HIC1: variants seen among roughly 807,000 people sequenced by gnomAD.
HIC1 encodes hypermethylated in cancer 1 protein.
Under a neutral mutation model 26.4 loss-of-function variants are expected in HIC1, and 9 were observed. That is an observed-to-expected ratio of 0.34 (90% CI 0.21 to 0.59). The LOEUF is 0.59. HIC1 is among the 20% of genes least tolerant of loss of function. HIC1 has a pLI of 0.82. For synonymous variants in HIC1, 631 were observed against 523.1 expected (o/e 1.21, Z -2.81); for missense variants, 965 against 1,075.7 (o/e 0.90, Z 1.44).
Position 2,057,084 on chromosome 17 carries a change from C to A in HIC1, c.394C>A (p.Arg132Ser). The A allele has an allele frequency of 7.1e-7, 1 of 1,402,228 alleles. No homozygotes were observed. Among genetic ancestry groups the A allele is most frequent in the Non-Finnish European group, 9.2e-7 (1 of 1,085,672 alleles). The allele number at this position is 1,402,228 out of a possible 1,614,324, so 86.9% of individuals were successfully genotyped here. ...LVALCKKRLK[R>S]HGKYCHLRGG... is the part of the protein sequence containing the mutation. ...GGCGCTGTGCAAGAAACGCCTCAAG[C>A]GCCACGGCAAGTACTGCCACCTGCG... Residue 132 changes from arginine (R) to serine (S), a missense_variant, in exon 2 of 2, where the codon CGC (arginine) becomes AGC (serine). By Grantham distance (110) the Arg-to-Ser change is moderately radical. Coordinates refer to ENST00000619757, the MANE Select transcript of HIC1 (RefSeq NM_006497.4).
In HIC1 at chr17:2,055,923, G is replaced by C. The variant is rs949237202; in HGVS notation, c.-21+685G>C. Among the ~76,000 whole-genome samples, 1 of 150,644 alleles carries C rather than the reference G, an allele frequency of 6.6e-6. No individual in the cohort carries two copies. Among genetic ancestry groups the C allele is most frequent in the African/African-American group, 2.4e-5 (1 of 41,228 alleles). ...CAGGCCGAGGCCGGGACGCGGGTGG[G>C]GCGCAGGCCCGGGTCAGGGCCGCAG... On this transcript the variant is annotated intron_variant, in intron 1 of 1. Coordinates refer to ENST00000619757, the MANE Select transcript of HIC1 (RefSeq NM_006497.4). The surrounding 1 kb of genome is among the most constrained non-coding windows in gnomAD (Gnocchi z 6.4).
Position 2,055,607 on chromosome 17 carries a change from C to G in HIC1, c.-21+369C>G, listed in dbSNP as rs930157181. On this transcript the variant is annotated intron_variant, in intron 1 of 1. Transcript: ENST00000619757. This position sits in a 1 kb window ranked among gnomAD's most constrained non-coding sequence, Gnocchi z 6.4. ...CTGCCACCGCCGCGGGGAGGGGAGC[C>G]CGGCCCGCCGGGACCGCAGGTAACG... Among the ~76,000 whole-genome samples the G allele has an allele frequency of 2.7e-4, 40 of 150,246 alleles. No individual in the cohort carries two copies. The highest frequency in any genetic ancestry group is 8.8e-4 in the African/African-American group (36 of 41,046).
Position 2,057,887 on chromosome 17 carries a change from C to A in HIC1, c.1197C>A (p.Gly399=). 1 of 1,601,868 alleles carries A rather than the reference C, an allele frequency of 6.2e-7. No individual in the cohort carries two copies. The highest frequency in any genetic ancestry group is 8.5e-7 in the Non-Finnish European group (1 of 1,174,952). Residue 399 remains glycine, a synonymous_variant, in exon 2 of 2, where the codon GGC becomes GGA. Coordinates refer to ENST00000619757, the MANE Select transcript of HIC1 (RefSeq NM_006497.4). ...GCCCGCCTGGCGGCCACCTCGAGGGCTACCCATGCCCGCACCTGGCCTATG... is the reference window on the plus strand; with the variant it reads ...GCCCGCCTGGCGGCCACCTCGAGGGATACCCATGCCCGCACCTGGCCTATG... ...DPSPPGGHLE[G]YPCPHLAYGE...
In HIC1 at chr17:2,061,479, C is replaced by A; in HGVS notation, c.*2644C>A. The A allele has an allele frequency of 6.4e-7, 1 of 1,567,800 alleles. No homozygotes were observed. Among genetic ancestry groups the A allele is most frequent in the Non-Finnish European group, 8.6e-7 (1 of 1,158,102 alleles). On this transcript the variant is annotated 3_prime_UTR_variant, in exon 2 of 2. Coordinates refer to ENST00000619757, the MANE Select transcript of HIC1 (RefSeq NM_006497.4). The stretch of plus-strand genomic sequence containing the variant: ...GAACGGTTCCACGGGGGGGGGGCCC[C>A]AGTGTGGCTCCCTCAGCCCACCTGG...
rs375775546 is a variant in HIC1 at position 2,058,115 on chromosome 17, C to T, written c.1425C>T (p.Ala475=). The T allele has an allele frequency of 2.1e-5, 34 of 1,598,706 alleles. 1 individual carries two copies. Among genetic ancestry groups the T allele is most frequent in the Middle Eastern group, 3.4e-4 (2 of 5,936 alleles). ...TTGGAGGCGGCGGGGACAAGGTCGC[C>T]GGGGCTCCGGGTGGCCTGGGAGAGC... ...PPFGGGGDKV[A]GAPGGLGELL... The change falls in exon 2 of 2, where the codon GCC becomes GCT. Residue 475 remains alanine (A), a synonymous_variant. Coordinates refer to ENST00000619757, the MANE Select transcript of HIC1 (RefSeq NM_006497.4).
chr17:2,061,184 G>GTCC lies in HIC1; in HGVS notation c.*2349_*2350insTCC. 3.3e-6 allele frequency: 1 copy of GTCC among 302,232 alleles called. No homozygotes were observed. The highest frequency in any genetic ancestry group is 3.9e-5 in the South Asian group (1 of 25,516). 18.7% of individuals were successfully genotyped at this position (302,232 alleles called of 1,614,324 possible). ...CCTCCCTCAGCCTTGGAATGAGACG[G>GTCC]GGGAGGGAGAAAGGCTGAGAGCATG... On this transcript the variant is annotated 3_prime_UTR_variant, in exon 2 of 2. Transcript: ENST00000619757.
Position 2,061,690 on chromosome 17 carries a change from CCCTGGAGAATGTGGT to C in HIC1, c.*2861_*2875del. 6.6e-7 allele frequency: 1 copy of C among 1,514,604 alleles called. No homozygotes were observed. Among genetic ancestry groups the C allele is most frequent in the Non-Finnish European group, 8.9e-7 (1 of 1,121,678 alleles). The allele number at this position is 1,514,604 out of a possible 1,614,324, so 93.8% of individuals were successfully genotyped here. Reference sequence around the variant, plus strand: ...GGCAGAGGGCTGGCTGCTCTTCTCACCCTGGAGAATGTGGTCCTGGGGAGGGGGTGCCACGCTAGC... The same window carrying C: ...GGCAGAGGGCTGGCTGCTCTTCTCACCCTGGGGAGGGGGTGCCACGCTAGC... On this transcript the variant is annotated 3_prime_UTR_variant, in exon 2 of 2. Transcript: ENST00000619757.
At position 2,061,465 on chromosome 17, in the gene HIC1, CGG is replaced by C; in HGVS notation, c.*2639_*2640del. The C allele has an allele frequency of 2.2e-6, 3 of 1,358,758 alleles. No homozygotes were observed. The highest frequency in any genetic ancestry group is 3.0e-5 in the East Asian group (1 of 33,892). 84.2% of individuals were successfully genotyped at this position (1,358,758 alleles called of 1,614,324 possible). A position where few individuals can be genotyped will look rare whatever the true frequency, so the allele number is the denominator to read the frequency against. On this transcript the variant is annotated 3_prime_UTR_variant, in exon 2 of 2. Transcript: ENST00000619757. ...TGGTGGCCTTTCAGGAACGGTTCCA[CGG>C]GGGGGGGGCCCCAGTGTGGCTCCCT...
rs763451360 is a variant in HIC1 at position 2,057,512 on chromosome 17, C to T, written c.822C>T (p.Pro274=). 1 of 1,491,122 alleles carries T rather than the reference C, an allele frequency of 6.7e-7. No homozygotes were observed. The highest frequency in any genetic ancestry group is 1.2e-5 in the South Asian group (1 of 80,172). The allele number at this position is 1,491,122 out of a possible 1,614,324, so 92.4% of individuals were successfully genotyped here. Residue 274 remains proline (P), a synonymous_variant, in exon 2 of 2, where the codon CCC becomes CCT. Transcript: ENST00000619757. The stretch of plus-strand genomic sequence containing the variant: ...CCCTGCCGTCGCTGCCGCCGCTGCC[C>T]TTCCAGAAGCTGGAGGAGGCCGCAC... ...PLALPSLPPL[P]FQKLEEAAPP...
At position 2,058,629 on chromosome 17, in the gene HIC1, G is replaced by C; in HGVS notation, c.1939G>C (p.Asp647His). Residue 647 changes from aspartate (D) to histidine (H), a missense_variant, in exon 2 of 2, where the codon GAC (aspartate) becomes CAC (histidine). Transcript: ENST00000619757. ...CGAGCAGCTGAGCCTGAAGCAGCAG[G>C]ACAAGGCGGCCGCGGCCGAGCTGCT... ...TAEQLSLKQQ[D>H]KAAAAELLAQ... is the part of the protein sequence containing the mutation. The C allele has an allele frequency of 6.4e-7, 1 of 1,565,282 alleles. No individual in the cohort carries two copies. Among genetic ancestry groups the C allele is most frequent in the Non-Finnish European group, 8.6e-7 (1 of 1,162,602 alleles).
chr17:2,056,676 T>A lies in HIC1; in HGVS notation c.-15T>A. On this transcript the variant is annotated 5_prime_UTR_variant, in exon 2 of 2. Coordinates refer to ENST00000619757, the MANE Select transcript of HIC1 (RefSeq NM_006497.4). ...GCCGGTGTGTGTCCCCGCAGGAGAG[T>A]GTGCTGGGCAGACGATGCTGGACAC... 1.3e-6 allele frequency: 2 copies of A among 1,564,892 alleles called. No homozygotes were observed. Among genetic ancestry groups the A allele is most frequent in the Non-Finnish European group, 1.7e-6 (2 of 1,151,970 alleles).
rs1597302504 is a variant in HIC1 at position 2,057,584 on chromosome 17, GC to G, written c.900del (p.Gly301AlafsTer13). 2.0e-5 allele frequency: 30 copies of G among 1,504,414 alleles called. No individual in the cohort carries two copies. The highest frequency in any genetic ancestry group is 1.2e-4 in the Admixed American group (6 of 48,698). The allele number at this position is 1,504,414 out of a possible 1,614,324, so 93.2% of individuals were successfully genotyped here. ...RGGSGSPGPE[P>X]PGRPDGPSLL... ...GCGGCAGCGGCAGCCCGGGACCCGA[GC>G]CCCCCGGCCGCCCCGACGGGCCTAG... On this transcript the variant is annotated frameshift_variant, in exon 2 of 2. Transcript: ENST00000619757. LOFTEE classifies it high-confidence loss of function.
Position 2,061,818 on chromosome 17 carries a change from T to A in HIC1, c.*2983T>A. 5.1e-6 allele frequency: 3 copies of A among 592,184 alleles called. No homozygotes were observed. The highest frequency in any genetic ancestry group is 8.8e-6 in the Non-Finnish European group (3 of 339,460). The allele number at this position is 592,184 out of a possible 1,614,324, so 36.7% of individuals were successfully genotyped here. A position where few individuals can be genotyped will look rare whatever the true frequency, so the allele number is the denominator to read the frequency against. ...CCTGCTGGCCTAGAGAGGGCTGCAC[T>A]GGGCTTCTGCCTTGACTCCGGCCTC... On this transcript the variant is annotated 3_prime_UTR_variant, in exon 2 of 2. Transcript: ENST00000619757.
Position 2,058,094 on chromosome 17 carries a change from A to AGGCGGCGGGGACAAG in HIC1, c.1406_1420dup (p.Gly469_Lys473dup). 8.8e-6 allele frequency: 14 copies of AGGCGGCGGGGACAAG among 1,591,196 alleles called. No individual in the cohort carries two copies. Among genetic ancestry groups the AGGCGGCGGGGACAAG allele is most frequent in the Non-Finnish European group, 1.1e-5 (13 of 1,171,960 alleles). On this transcript the variant is annotated inframe_insertion, in exon 2 of 2. Transcript: ENST00000619757. ...CCGCCGGCCTAGGGCCCCCTTTTGG[A>AGGCGGCGGGGACAAG]GGCGGCGGGGACAAGGTCGCCGGGG... is the stretch of plus-strand genomic sequence containing the variant.
In HIC1 at chr17:2,061,371, G is replaced by T. The variant is rs567340149; in HGVS notation, c.*2536G>T. On this transcript the variant is annotated 3_prime_UTR_variant, in exon 2 of 2. Transcript: ENST00000619757. ...CATGGCCGTGGCGTGGGTTGGAAGA[G>T]GATGGTTTATTGTCTGGGTGGATTG... The T allele has an allele frequency of 5.0e-5, 50 of 998,368 alleles. 1 individual carries two copies. In the East Asian group the frequency reaches 1.3e-3, roughly 26 times the overall value. The allele number at this position is 998,368 out of a possible 1,614,324, so 61.8% of individuals were successfully genotyped here.
intron 1 of HIC1, chr17:2,056,469 C>T (rs1384588060): frequency 3.0e-6 from 4 of 1,346,018 alleles, no homozygotes; most frequent in Non-Finnish European, 4.2e-6. Context: ...GGCCGCTCAC[C>T]TCCTGCTCCT....
Position 2,061,398 on chromosome 17 carries a change from T to C in HIC1, c.*2563T>C. ...ATGGTTTATTGTCTGGGTGGATTGG[T>C]GGCTCAGGCACGTGGGCATCTTCCG... is the stretch of plus-strand genomic sequence containing the variant. On this transcript the variant is annotated 3_prime_UTR_variant, in exon 2 of 2. Transcript: ENST00000619757. The C allele has an allele frequency of 8.0e-7, 1 of 1,256,578 alleles. No homozygotes were observed. The highest frequency in any genetic ancestry group is 1.5e-5 in the African/African-American group (1 of 66,850). 77.8% of individuals were successfully genotyped at this position (1,256,578 alleles called of 1,614,324 possible).
rs577957580 is a variant in HIC1, at chr17:2,058,763, G to T, written c.2073G>T (p.Glu691Asp). 3 of 1,524,522 alleles carry T rather than the reference G, an allele frequency of 2.0e-6. No individual in the cohort carries two copies. The highest frequency in any genetic ancestry group is 1.8e-6 in the Non-Finnish European group (2 of 1,140,788). 94.4% of individuals were successfully genotyped at this position (1,524,522 alleles called of 1,614,324 possible). ...GCCTCAGCCCCGACAAGGCGGCCGA[G>T]GTGCTGAGCCAGGGCGCTCACCTGG... is the stretch of plus-strand genomic sequence containing the variant. ...ELGLSPDKAA[E>D]VLSQGAHLAA... The change falls in exon 2 of 2, where the codon GAG becomes GAT. Residue 691 changes from glutamate (E) to aspartate (D), a missense_variant. Transcript: ENST00000619757.
chr17:2,056,673 G>A lies in HIC1; in HGVS notation c.-18G>A, dbSNP rs1486315140. ...CCGGCCGGTGTGTGTCCCCGCAGGA[G>A]AGTGTGCTGGGCAGACGATGCTGGA... On this transcript the variant is annotated splice_region_variant and 5_prime_UTR_variant, in exon 2 of 2. Transcript: ENST00000619757. 3 of 1,565,178 alleles carry A rather than the reference G, an allele frequency of 1.9e-6. No homozygotes were observed. In the South Asian group the frequency reaches 3.5e-5, roughly 18 times the overall value.
Sources: allele counts gnomAD v4.1 joint callset (sites outside exome capture counted in the v4.1 genomes callset), GRCh38; gene constraint gnomAD v4.1.1; non-coding constraint Gnocchi (gnomAD v3.1); transcripts MANE v1.5; gene names NCBI Gene and HGNC (gene_info 2026-07-23, HGNC 2026-07-21).